The following NUP155 variants were observed in gnomAD, a reference collection of about 807,000 sequenced individuals.
NUP155 encodes nuclear pore complex protein Nup155.
In NUP155, 71 loss-of-function variants were observed where a neutral mutation model predicts 180.4. The observed-to-expected ratio is 0.39, with a 90% CI of 0.33 to 0.48. The LOEUF is 0.48. Among genes scored for constraint, NUP155 ranks in the 20% least tolerant of loss-of-function variants. The pLI, the probability that NUP155 is intolerant of heterozygous loss-of-function variation, is 0.91. For synonymous variants in NUP155, 582 were observed against 559.5 expected, an observed-to-expected ratio of 1.04 and a Z score of -0.57; for missense variants, 1,553 against 1,648.9, an observed-to-expected ratio of 0.94 and a Z score of 1.01.
intron 10 of NUP155, among the ~76,000 whole-genome samples, chr5:37,341,669 T>C (rs555444965): frequency 3.3e-5 from 5 of 152,184 alleles, no homozygotes; most frequent in East Asian, 3.9e-4. Flanking sequence ...GCCTCCCGAG[T>C]AGCTGGGACT....
chr5:37,367,628 G>T (rs1475824664), intron 1 of NUP155, among the ~76,000 whole-genome samples: 2 of 151,584 alleles, frequency 1.3e-5, no homozygotes, highest in African/African-American at 4.9e-5. Flanking sequence ...CGCCTCCCGG[G>T]TTCACACCAT....
intron 33 of NUP155, among the ~76,000 whole-genome samples, chr5:37,294,037 A>T (rs1742386050): frequency 6.6e-6 from 1 of 150,932 alleles, no homozygotes; most frequent in Admixed American, 6.6e-5. Context: ...AATAAAGCAA[A>T]TGATGATTCT....
chr5:37,301,674 C>T (rs1182359333), intron 29 of NUP155, 124 bp from the exon 30 acceptor site: 25 of 701,026 alleles, frequency 3.6e-5, no homozygotes, highest in Middle Eastern at 2.8e-4. Flanking sequence ...AGATTTCTAT[C>T]ATAATAGGCT....
Position 37,318,193 on chromosome 5 carries a change from G to T in NUP155, c.2208-108C>A, listed in dbSNP as rs217797. ...ATGTTTACTTTTTTTAAATAATTCA[G>T]AAGGTTGGGCAACCAACACCAGAAG... On this transcript the variant is annotated intron_variant, in intron 20 of 34. Transcript: ENST00000231498. The T allele has an allele frequency of 0.5, 387,606 of 781,702 alleles. 100,974 individuals carry two copies. The highest frequency in any genetic ancestry group is 0.84 in the African/African-American group (49,173 of 58,480). 48.4% of individuals were successfully genotyped at this position (781,702 alleles called of 1,614,324 possible).
chr5:37,306,451 T>C (rs1743160360), intron 25 of NUP155, among the ~76,000 whole-genome samples: 1 of 152,036 alleles, frequency 6.6e-6, no homozygotes, highest in African/African-American at 2.4e-5. Context: ...CATATATATA[T>C]GTTATAGAAA....
intron 34 of NUP155, 115 bp from the exon 35 acceptor site, chr5:37,292,153 T>G: frequency 1.1e-6 from 1 of 942,504 alleles, no homozygotes; most frequent in Non-Finnish European, 1.7e-6. Context: ...AAAGACCATG[T>G]GATTAAGTAA....
At position 37,291,103 on chromosome 5, in the gene NUP155, A is replaced by G. The variant is rs1306964935; in HGVS notation, c.*797T>C. 1 of 152,226 alleles carries G rather than the reference A, an allele frequency of 6.6e-6. No homozygotes were observed. The highest frequency in any genetic ancestry group is 6.5e-5 in the Admixed American group (1 of 15,278). The allele number at this position is 152,226 out of a possible 1,614,324, so 9.4% of individuals were successfully genotyped here. A position where few individuals can be genotyped will look rare whatever the true frequency, so the allele number is the denominator to read the frequency against. The stretch of plus-strand genomic sequence containing the variant: ...TGTCAATTCTCAAGGGCTTTAACTG[A>G]CAAAACCAGTTGTTAGAGGACAGTT... On this transcript the variant is annotated 3_prime_UTR_variant, in exon 35 of 35. Coordinates refer to ENST00000231498, the MANE Select transcript of NUP155 (RefSeq NM_153485.3).
rs571668984 is a variant in NUP155 at position 37,291,669 on chromosome 5, A to G, written c.*231T>C. 3 of 397,400 alleles carry G rather than the reference A, an allele frequency of 7.5e-6. No homozygotes were observed. Among genetic ancestry groups the G allele is most frequent in the East Asian group, 9.2e-5 (2 of 21,624 alleles). 24.6% of individuals were successfully genotyped at this position (397,400 alleles called of 1,614,324 possible). A position where few individuals can be genotyped will look rare whatever the true frequency, so the allele number is the denominator to read the frequency against. Reference sequence around the variant, plus strand: ...AAATTTTTTTAATCCTTATGTTAAAATAATAAATAATCTCATTTCAGTTGT... The same window carrying G: ...AAATTTTTTTAATCCTTATGTTAAAGTAATAAATAATCTCATTTCAGTTGT... On this transcript the variant is annotated 3_prime_UTR_variant, in exon 35 of 35. Transcript: ENST00000231498.
chr5:37,360,869 G>C (rs1424192677), intron 3 of NUP155, among the ~76,000 whole-genome samples: 1 of 152,042 alleles, frequency 6.6e-6, no homozygotes, highest in Non-Finnish European at 1.5e-5. Context: ...GGGAGATAGA[G>C]ACAGAAAGTG....
chr5:37,335,157 CAAAAA>C (rs369127748), intron 12 of NUP155, among the ~76,000 whole-genome samples: 2 of 62,200 alleles, frequency 3.2e-5, no homozygotes, highest in East Asian at 5.5e-4. Context: ...GACTCTGTCA[CAAAAA>C]AAAAAAAAAA....
At chr5:37,368,491 C>T (rs1286688036) in intron 1 of NUP155, among the ~76,000 whole-genome samples, 4 of 152,006 alleles carry the variant, frequency 2.6e-5, no homozygotes, top group African/African-American at 9.7e-5. Flanking sequence ...CTTTGGCCTC[C>T]CAAAGTGCTG....
intron 9 of NUP155, among the ~76,000 whole-genome samples, chr5:37,348,074 C>A: frequency 6.6e-6 from 1 of 151,998 alleles, no homozygotes. Flanking sequence ...GCAGAAGTTG[C>A]GGTGAGCAGA....
At chr5:37,305,285 C>G in intron 25 of NUP155, 75 bp from the exon 26 acceptor site, 2 of 1,312,356 alleles carry the variant, frequency 1.5e-6, no homozygotes, top group South Asian at 2.4e-5. Flanking sequence ...GTGACTCACG[C>G]CTGTAATGCC....
rs201999948 is a variant in NUP155, at chr5:37,331,805, T to G, written c.1519-10A>C. 82 of 1,533,574 alleles carry G rather than the reference T, an allele frequency of 5.3e-5. No homozygotes were observed. Among genetic ancestry groups the G allele is most frequent in the African/African-American group, 2.7e-4 (20 of 73,468 alleles). The allele number at this position is 1,533,574 out of a possible 1,614,324, so 95.0% of individuals were successfully genotyped here. ...GAAACATAAGGCTCCCCTAAGAAAT[T>G]TGAAGAAAGAACATGAACAAGAGAT... On this transcript the variant is annotated splice_polypyrimidine_tract_variant and intron_variant, in intron 13 of 34. Coordinates refer to ENST00000231498, the MANE Select transcript of NUP155 (RefSeq NM_153485.3).
chr5:37,293,636 CTTTAAGCACTGATATT>C (rs879566378), intron 33 of NUP155, among the ~76,000 whole-genome samples: 16 of 152,280 alleles, frequency 1.1e-4, no homozygotes, highest in Middle Eastern at 3.4e-3. Context: ...TGAGAAGGAT[CTTTAAGCACTGATATT>C]TTAGATGAGG....
At chr5:37,328,024 T>C (rs1046952310) in intron 17 of NUP155, among the ~76,000 whole-genome samples, 2 of 152,188 alleles carry the variant, frequency 1.3e-5, no homozygotes, top group Admixed American at 1.3e-4. Flanking sequence ...CCAGATAGAC[T>C]TGCAAGTGTT....
At chr5:37,358,874 C>A (rs531634393) in intron 3 of NUP155, among the ~76,000 whole-genome samples, 4 of 151,946 alleles carry the variant, frequency 2.6e-5, no homozygotes, top group Admixed American at 2.0e-4. Flanking sequence ...AAAATTAGCC[C>A]GGCATGGTGG....
intron 24 of NUP155, among the ~76,000 whole-genome samples, chr5:37,308,127 A>C (rs1458693895): frequency 6.6e-6 from 1 of 152,094 alleles, no homozygotes; most frequent in Non-Finnish European, 1.5e-5. Context: ...GTAATTTTTT[A>C]AAAAGTAAGC....
At chr5:37,297,619 A>C (rs1044924272) in intron 32 of NUP155, among the ~76,000 whole-genome samples, 1 of 151,868 alleles carries the variant, frequency 6.6e-6, no homozygotes, top group African/African-American at 2.4e-5. Flanking sequence ...GGCTCAAGCG[A>C]TCCATCCGCC....
Sources: gnomAD v4.1 joint callset for allele counts (sites outside exome capture counted in the v4.1 genomes callset) on GRCh38, gnomAD v4.1.1 for gene constraint, MANE v1.5 for transcripts, NCBI Gene and HGNC (gene_info 2026-07-23, HGNC 2026-07-21) for gene names.